Variants in LITAF observed in about 807,000 individuals in gnomAD.
LITAF encodes lipopolysaccharide induced TNF factor.
A neutral mutation model predicts 14.5 loss-of-function variants in LITAF; 9 were observed. The observed-to-expected ratio is 0.62, with a 90% CI of 0.37 to 1.08. The LOEUF is 1.08. Among genes scored for constraint, LITAF ranks in the 50% least tolerant of loss-of-function variants. The probability of loss-of-function intolerance (pLI) is 0.01; values close to 1 mark genes in which losing one functional copy is unlikely to be tolerated. For synonymous variants in LITAF, 98 were observed against 88.2 expected, an observed-to-expected ratio of 1.11 and a Z score of -0.62; for missense variants, 206 against 213.4, an observed-to-expected ratio of 0.97 and a Z score of 0.22.
At chr16:11,604,079 C>G (rs2141868899) in intron 3 of LITAF, among the ~76,000 whole-genome samples, 1 of 152,224 alleles carries the variant, frequency 6.6e-6, no homozygotes, top group South Asian at 2.1e-4. Context: ...CCTGTAACTC[C>G]AGCACTTTGG....
At chr16:11,599,608 C>T (rs906693598), upstream of LITAF, among the ~76,000 whole-genome samples, 4 of 152,158 alleles carry the variant, frequency 2.6e-5, no homozygotes, top group African/African-American at 7.2e-5. Flanking sequence ...ACAAACCACC[C>T]CCTACCTGAG....
rs553777793 is a variant in LITAF at position 11,630,155 on chromosome 16, T to C, written c.85+3378A>G. On this transcript the variant is annotated intron_variant, in intron 3 of 3. Transcript: ENST00000574848. ...CCAGATAGGAACCAGACCCCTGGCG[T>C]TGGGGGGGCTCCAAACCTCTGTGTT... 2.6e-5 allele frequency among the ~76,000 whole-genome samples: 4 copies of C among 152,014 alleles called. No homozygotes were observed. In the South Asian group the frequency reaches 8.3e-4, roughly 32 times the overall value.
At chr16:11,569,654 A>G (rs993564640) in intron 1 of LITAF, among the ~76,000 whole-genome samples, 3 of 152,190 alleles carry the variant, frequency 2.0e-5, no homozygotes, top group Non-Finnish European at 2.9e-5. Flanking sequence ...CTGAACACCC[A>G]ACTGTTACTC....
chr16:11,625,350 C>A (rs892780707), intron 3 of LITAF, among the ~76,000 whole-genome samples: 4 of 151,632 alleles, frequency 2.6e-5, no homozygotes, highest in African/African-American at 7.3e-5. Flanking sequence ...GCAGCCTCTG[C>A]CTCCTAGGCT....
At chr16:11,626,426 C>G (rs773002782) in intron 3 of LITAF, among the ~76,000 whole-genome samples, 1 of 152,178 alleles carries the variant, frequency 6.6e-6, no homozygotes, top group Non-Finnish European at 1.5e-5. Context: ...TCACTGCAAC[C>G]TCTGCCTCCT....
chr16:11,579,479 T>C (rs868528270), intron 1 of LITAF, among the ~76,000 whole-genome samples: 1 of 15,356 alleles, frequency 6.5e-5, no homozygotes, highest in Non-Finnish European at 1.5e-4. Context: ...TAAAATAAAA[T>C]AAAATAAAAT....
intron 3 of LITAF, among the ~76,000 whole-genome samples, chr16:11,612,249 T>G (rs2064986803): frequency 6.6e-6 from 1 of 152,156 alleles, no homozygotes; most frequent in South Asian, 2.1e-4. Flanking sequence ...CGGGGGTCTC[T>G]CCAGTGAGTC....
At chr16:11,611,426 T>A (rs1422731827) in intron 3 of LITAF, among the ~76,000 whole-genome samples, 2 of 152,204 alleles carry the variant, frequency 1.3e-5, no homozygotes, top group African/African-American at 4.8e-5. Flanking sequence ...AAATACAGCA[T>A]GGGATATACT....
intron 1 of LITAF, among the ~76,000 whole-genome samples, chr16:11,570,426 T>C (rs974641222): frequency 6.6e-6 from 1 of 152,214 alleles, no homozygotes; most frequent in Non-Finnish European, 1.5e-5. Flanking sequence ...GGACCTGTTC[T>C]GTACCCAGTA....
intron 3 of LITAF, among the ~76,000 whole-genome samples, chr16:11,626,602 T>C (rs12446653): frequency 0.81 from 122,897 of 151,974 alleles, 50,335 homozygotes; most frequent in Middle Eastern, 0.95. Flanking sequence ...CCTCCCAAAG[T>C]GCTGGGATTA....
In LITAF at chr16:11,618,814, C is replaced by G. The variant is rs148895960; in HGVS notation, c.85+14719G>C. Among the ~76,000 whole-genome samples the G allele has an allele frequency of 5.9e-3, 891 of 151,996 alleles. 11 individuals carry two copies. The highest frequency in any genetic ancestry group is 0.021 in the African/African-American group (852 of 41,448). On this transcript the variant is annotated intron_variant, in intron 3 of 3. Transcript: ENST00000574848. ...CCTGGCTAACATGGTGAAACCCTGT[C>G]TCTACTAAAAATACGAAAGTTAGCC...
upstream of LITAF, among the ~76,000 whole-genome samples, chr16:11,588,663 C>T (rs766831523): frequency 9.9e-5 from 15 of 152,148 alleles, no homozygotes; most frequent in Non-Finnish European, 1.8e-4. Context: ...TTCCTCCATT[C>T]TCAGGATGCA....
At chr16:11,576,534 CAAAAAAAAA>C in intron 1 of LITAF, among the ~76,000 whole-genome samples, 1 of 62,968 alleles carries the variant, frequency 1.6e-5, no homozygotes. Flanking sequence ...TTACAATCTG[CAAAAAAAAA>C]AAAAAAAAAA....
chr16:11,576,342 G>A (rs2064632949), intron 1 of LITAF, among the ~76,000 whole-genome samples: 1 of 152,012 alleles, frequency 6.6e-6, no homozygotes, highest in South Asian at 2.1e-4. Context: ...GGTGGTGCAT[G>A]CCTGTAGTCC....
upstream of LITAF, among the ~76,000 whole-genome samples, chr16:11,601,178 T>C (rs1233466335): frequency 6.7e-6 from 1 of 150,338 alleles, no homozygotes; most frequent in Non-Finnish European, 1.5e-5. Context: ...CCAGACCCCA[T>C]CCTGGGAATG....
intron 1 of LITAF, among the ~76,000 whole-genome samples, chr16:11,568,757 G>A (rs1229387488): frequency 6.8e-6 from 1 of 146,360 alleles, no homozygotes; most frequent in African/African-American, 2.5e-5. Context: ...TCGGCTCACT[G>A]CAACCTCCAC....
chr16:11,599,541 T>C (rs1251211032), upstream of LITAF, among the ~76,000 whole-genome samples: 1 of 152,194 alleles, frequency 6.6e-6, no homozygotes, highest in African/African-American at 2.4e-5. Context: ...ATCTGTTTGC[T>C]GTAGCCACAG....
chr16:11,589,322 G>C (rs2064834874), upstream of LITAF, among the ~76,000 whole-genome samples: 1 of 152,214 alleles, frequency 6.6e-6, no homozygotes, highest in African/African-American at 2.4e-5. Context: ...AAATCCCAGA[G>C]CTAATGACAC....
chr16:11,591,119 A>G (rs934154336), upstream of LITAF, among the ~76,000 whole-genome samples: 1 of 119,110 alleles, frequency 8.4e-6, no homozygotes, highest in African/African-American at 4.0e-5. Flanking sequence ...ATGGAATTAC[A>G]AGGGATTTCA....
Sources: gnomAD v4.1 joint callset for allele counts (sites outside exome capture counted in the v4.1 genomes callset) on GRCh38, gnomAD v4.1.1 for gene constraint, MANE v1.5 for transcripts, NCBI Gene and HGNC (gene_info 2026-07-23, HGNC 2026-07-21) for gene names.